SLC16A10: variants seen among roughly 807,000 people sequenced by gnomAD.
SLC16A10 encodes solute carrier family 16 member 10.
Under a neutral mutation model 40.0 loss-of-function variants are expected in SLC16A10, and 27 were observed. The observed-to-expected ratio is 0.67, with a 90% CI of 0.50 to 0.93. SLC16A10 has a LOEUF of 0.93. Among genes scored for constraint, SLC16A10 ranks in the 40% least tolerant of loss-of-function variants. SLC16A10 has a pLI of 0.00. For missense variants in SLC16A10, 529 were observed against 658.2 expected, an observed-to-expected ratio of 0.80 and a Z score of 2.15; for synonymous variants, 213 against 249.8, an observed-to-expected ratio of 0.85 and a Z score of 1.39.
At chr6:111,174,965 A>G (rs1420441714) in intron 2 of SLC16A10, among the ~76,000 whole-genome samples, 1 of 152,140 alleles carries the variant, frequency 6.6e-6, no homozygotes, top group African/African-American at 2.4e-5. Flanking sequence ...TTCCCTTACT[A>G]CATGTAATAT....
intron 1 of SLC16A10, among the ~76,000 whole-genome samples, chr6:111,110,822 G>T (rs888344330): frequency 1.3e-5 from 2 of 152,136 alleles, no homozygotes; most frequent in Non-Finnish European, 2.9e-5. Context: ...TCAAAGCCAA[G>T]AAATTTCATG....
chr6:111,111,236 A>G (rs1235061310), intron 1 of SLC16A10, among the ~76,000 whole-genome samples: 1 of 152,186 alleles, frequency 6.6e-6, no homozygotes, highest in Non-Finnish European at 1.5e-5. Flanking sequence ...AAATTGACAG[A>G]TAAAATTGTA....
chr6:111,158,446 A>G (rs1772311838), intron 1 of SLC16A10, among the ~76,000 whole-genome samples: 1 of 152,170 alleles, frequency 6.6e-6, no homozygotes, highest in Non-Finnish European at 1.5e-5. Flanking sequence ...ATCAGGCATT[A>G]GATTCTTACA....
rs927485098 is a variant in SLC16A10 at position 111,218,973 on chromosome 6, G to A, written c.1246G>A (p.Val416Ile). ...CTTTGAGTTAGTTGGTGCCCAGGAT[G>A]TCTCCCAAGCAATTGGATTTCTGCT... ...IAFELVGAQD[V>I]SQAIGFLLGF... is the part of the protein sequence containing the mutation. The change falls in exon 5 of 6, where the codon GTC (valine) becomes ATC (isoleucine). Residue 416 changes from valine (V) to isoleucine (I), a missense_variant. Transcript: ENST00000368851. 3 of 1,613,998 alleles carry A rather than the reference G, an allele frequency of 1.9e-6. No homozygotes were observed. The highest frequency in any genetic ancestry group is 2.7e-5 in the African/African-American group (2 of 74,890).
At chr6:111,170,858 C>T (rs1359406753) in intron 1 of SLC16A10, among the ~76,000 whole-genome samples, 1 of 152,090 alleles carries the variant, frequency 6.6e-6, no homozygotes, top group Admixed American at 6.5e-5. Flanking sequence ...TCTTACTAGT[C>T]TGGGTGTGGT....
chr6:111,125,135 C>T (rs932722858), intron 1 of SLC16A10, among the ~76,000 whole-genome samples: 53 of 151,944 alleles, frequency 3.5e-4, no homozygotes, highest in African/African-American at 1.2e-3. Flanking sequence ...TTTTTGTTTC[C>T]GAATTCTCAG....
chr6:111,203,004 ATAT>A (rs1310307578), intron 3 of SLC16A10, among the ~76,000 whole-genome samples: 1 of 152,106 alleles, frequency 6.6e-6, no homozygotes, highest in Non-Finnish European at 1.5e-5. Flanking sequence ...CTACAGCATA[ATAT>A]TATCCCCTGT....
intron 1 of SLC16A10, among the ~76,000 whole-genome samples, chr6:111,141,252 T>G (rs1435237843): frequency 3.9e-5 from 6 of 152,234 alleles, no homozygotes; most frequent in African/African-American, 9.6e-5. Context: ...AATCAGTGTG[T>G]TAGCATAATC....
chr6:111,165,776 T>G (rs1772461183), intron 1 of SLC16A10, among the ~76,000 whole-genome samples: 1 of 152,208 alleles, frequency 6.6e-6, no homozygotes, highest in South Asian at 2.1e-4. Flanking sequence ...AAGTTGTTCA[T>G]GGAGGGGAAG....
chr6:111,147,632 G>A (rs531883195), intron 1 of SLC16A10, among the ~76,000 whole-genome samples: 2 of 152,276 alleles, frequency 1.3e-5, no homozygotes, highest in East Asian at 3.9e-4. Flanking sequence ...GCCTTCTCAG[G>A]GGGAGTGTTT....
intron 1 of SLC16A10, among the ~76,000 whole-genome samples, chr6:111,131,657 GCTGT>G (rs956022240): frequency 2.6e-5 from 4 of 152,322 alleles, no homozygotes; most frequent in Non-Finnish European, 5.9e-5. Flanking sequence ...CTGGGGAAGG[GCTGT>G]CTAACAGCCC....
chr6:111,117,283 C>T (rs960537622), intron 1 of SLC16A10, among the ~76,000 whole-genome samples: 2 of 134,310 alleles, frequency 1.5e-5, no homozygotes, highest in African/African-American at 2.8e-5. Flanking sequence ...ACCCGGGAGG[C>T]GGAGGTTGCA....
chr6:111,192,120 G>A (rs1185556270), intron 3 of SLC16A10, among the ~76,000 whole-genome samples: 1 of 152,104 alleles, frequency 6.6e-6, no homozygotes, highest in Non-Finnish European at 1.5e-5. Context: ...GTATTGCCTA[G>A]GTTTTCTTCT....
chr6:111,096,185 C>T (rs1771071628), intron 1 of SLC16A10, among the ~76,000 whole-genome samples: 1 of 152,180 alleles, frequency 6.6e-6, no homozygotes, highest in East Asian at 1.9e-4. Context: ...TATTTACTTG[C>T]ATGTTCTTTA....
chr6:111,158,262 C>T (rs1772308041), intron 1 of SLC16A10, among the ~76,000 whole-genome samples: 1 of 152,098 alleles, frequency 6.6e-6, no homozygotes, highest in South Asian at 2.1e-4. Flanking sequence ...TCTGCCATGA[C>T]AATTACAGTG....
chr6:111,167,143 A>C (rs890235561), intron 1 of SLC16A10, among the ~76,000 whole-genome samples: 1 of 152,188 alleles, frequency 6.6e-6, no homozygotes, highest in Non-Finnish European at 1.5e-5. Context: ...GAACACTAAA[A>C]TTTTAATAGT....
At chr6:111,172,623 T>C in intron 1 of SLC16A10, 72 bp from the exon 2 acceptor site, 3 of 1,554,156 alleles carry the variant, frequency 1.9e-6, no homozygotes, top group South Asian at 1.2e-5. Context: ...AAATGTGTAT[T>C]ATATCAATGG....
intron 1 of SLC16A10, among the ~76,000 whole-genome samples, chr6:111,106,029 A>G (rs905229739): frequency 7.2e-5 from 11 of 152,246 alleles, no homozygotes; most frequent in South Asian, 2.1e-4. Flanking sequence ...GTCAGCATGT[A>G]AGGTGGTATT....
intron 3 of SLC16A10, among the ~76,000 whole-genome samples, chr6:111,202,884 C>CAAAAAAAAAAAAAAAAA (rs567667458): frequency 2.3e-5 from 2 of 86,316 alleles, no homozygotes; most frequent in East Asian, 3.5e-4. Context: ...GAGACTCCAT[C>CAAAAAAAAAAAAAAAAA]AAAAAAAAAA....
Sources: allele counts gnomAD v4.1 joint callset (sites outside exome capture counted in the v4.1 genomes callset), GRCh38; gene constraint gnomAD v4.1.1; transcripts MANE v1.5; gene names NCBI Gene and HGNC (gene_info 2026-07-23, HGNC 2026-07-21).